TRPC6: variants seen among roughly 807,000 people sequenced by gnomAD.
TRPC6 encodes the protein transient receptor potential cation channel subfamily C member 6.
In TRPC6, 55 loss-of-function variants were observed where a neutral mutation model predicts 90.7. The observed-to-expected ratio is 0.61, with a 90% CI of 0.49 to 0.76. The LOEUF (loss-of-function observed/expected upper bound fraction) is 0.76, where lower values mean the gene tolerates loss of function less well. Among genes scored for constraint, TRPC6 ranks in the 30% least tolerant of loss-of-function variants. The pLI, the probability that TRPC6 is intolerant of heterozygous loss-of-function variation, is 0.00. For missense variants in TRPC6, 989 were observed against 1,122.7 expected, an observed-to-expected ratio of 0.88 and a Z score of 1.70; for synonymous variants, 393 against 393.0, an observed-to-expected ratio of 1.00 and a Z score of 0.00.
chr11:101,487,379 AT>A (rs2136698900), intron 4 of TRPC6, among the ~76,000 whole-genome samples: 1 of 152,242 alleles, frequency 6.6e-6, no homozygotes, highest in Non-Finnish European at 1.5e-5. Context: ...CAATTTAGAA[AT>A]GTATTTGTCT....
chr11:101,516,190 G>T (rs1441503434), intron 1 of TRPC6, among the ~76,000 whole-genome samples: 1 of 151,460 alleles, frequency 6.6e-6, no homozygotes, highest in African/African-American at 2.4e-5. Context: ...CCTAGGATTA[G>T]TTATGAACTG....
At chr11:101,469,970 C>G (rs191149604) in intron 9 of TRPC6, among the ~76,000 whole-genome samples, 1 of 152,242 alleles carries the variant, frequency 6.6e-6, no homozygotes, top group Non-Finnish European at 1.5e-5. Flanking sequence ...AGAGAATGTG[C>G]TACTTACTTG....
At chr11:101,482,387 C>T (rs917459524) in intron 5 of TRPC6, among the ~76,000 whole-genome samples, 26 of 152,074 alleles carry the variant, frequency 1.7e-4, no homozygotes, top group Non-Finnish European at 1.5e-5. Flanking sequence ...GATCATATTC[C>T]TTCTCTTCCA....
Position 101,561,937 on chromosome 11 carries a change from A to T in TRPC6, c.170+21397T>A, listed in dbSNP as rs1041442786. 1.3e-5 allele frequency among the ~76,000 whole-genome samples: 2 copies of T among 151,928 alleles called. 1 individual carries two copies. Among genetic ancestry groups the T allele is most frequent in the African/African-American group, 4.8e-5 (2 of 41,424 alleles). Reference sequence around the variant, plus strand: ...ATACATTAAAATGCTTTTAAAAGTAAATCATTTTAAGAGTTTGGTTCTTTA... The same window carrying T: ...ATACATTAAAATGCTTTTAAAAGTATATCATTTTAAGAGTTTGGTTCTTTA... On this transcript the variant is annotated intron_variant, in intron 1 of 12. Coordinates refer to ENST00000344327, the MANE Select transcript of TRPC6 (RefSeq NM_004621.6).
intron 1 of TRPC6, among the ~76,000 whole-genome samples, chr11:101,506,578 C>G (rs1187341448): frequency 6.6e-6 from 1 of 152,048 alleles, no homozygotes. Flanking sequence ...TATCCAAGTC[C>G]TATTCAAAAT....
At position 101,452,619 on chromosome 11, in the gene TRPC6, G is replaced by A. The variant is rs199619303; in HGVS notation, c.*336C>T. The A allele has an allele frequency of 2.3e-5, 6 of 256,348 alleles. No homozygotes were observed. The highest frequency in any genetic ancestry group is 1.1e-4 in the South Asian group (2 of 18,798). 15.9% of individuals were successfully genotyped at this position (256,348 alleles called of 1,614,324 possible). On this transcript the variant is annotated 3_prime_UTR_variant, in exon 13 of 13. Transcript: ENST00000344327. ...GAGGAAAAACCGCATGGGGAGTAAC[G>A]TGGGTCAGCCCCTGTCCGCTGGGAC... is the stretch of plus-strand genomic sequence containing the variant.
chr11:101,536,782 A>G (rs910791012), intron 1 of TRPC6, among the ~76,000 whole-genome samples: 2 of 152,264 alleles, frequency 1.3e-5, no homozygotes, highest in African/African-American at 2.4e-5. Flanking sequence ...CTGGGATGTC[A>G]TTGATGAGTT....
chr11:101,473,883 T>C (rs1859353188), intron 6 of TRPC6, 110 bp from the exon 7 acceptor site: 1 of 1,486,974 alleles, frequency 6.7e-7, no homozygotes, highest in Non-Finnish European at 9.2e-7. Context: ...GGTTTTCGAA[T>C]GGAAGTCTCC....
Position 101,570,416 on chromosome 11 carries a change from G to A in TRPC6, c.170+12918C>T, listed in dbSNP as rs186770512. Among the ~76,000 whole-genome samples the A allele has an allele frequency of 1.6e-4, 25 of 152,222 alleles. No individual in the cohort carries two copies. The East Asian group carries it at 3.1e-3, about 19-fold the overall frequency. On this transcript the variant is annotated intron_variant, in intron 1 of 12. Transcript: ENST00000344327. ...AACCAAATAGAGTCCAGAACCAGAC[G>A]GATTTACAGCCAAATTCTACCAGAA...
At position 101,526,612 on chromosome 11, in the gene TRPC6, C is replaced by T. The variant is rs1860784366; in HGVS notation, c.171-21814G>A. The stretch of plus-strand genomic sequence containing the variant: ...GCACAGTGGCTCACACCTGTAATCC[C>T]AGCACTTTGGGAGGCCGAGGCAGGC... On this transcript the variant is annotated intron_variant, in intron 1 of 12. Transcript: ENST00000344327. 1.3e-5 allele frequency among the ~76,000 whole-genome samples: 2 copies of T among 151,804 alleles called. 1 individual carries two copies. Among genetic ancestry groups the T allele is most frequent in the South Asian group, 4.1e-4 (2 of 4,822 alleles).
chr11:101,530,990 T>C (rs1227234630), intron 1 of TRPC6, among the ~76,000 whole-genome samples: 3 of 152,000 alleles, frequency 2.0e-5, no homozygotes, highest in Non-Finnish European at 2.9e-5. Flanking sequence ...AAACTTTCAG[T>C]TTGGGAAGCT....
chr11:101,546,050 C>CTTTTTTTTTTTTTTTTTTTT lies in TRPC6; in HGVS notation c.170+37264_170+37283dup, dbSNP rs1166182552. 6.7e-5 allele frequency among the ~76,000 whole-genome samples: 2 copies of CTTTTTTTTTTTTTTTTTTTT among 29,724 alleles called. 1 individual carries two copies. The highest frequency in any genetic ancestry group is 1.2e-4 in the Non-Finnish European group (2 of 16,050). The allele number at this position is 29,724 out of a possible 152,430, so 19.5% of individuals were successfully genotyped here. On this transcript the variant is annotated intron_variant, in intron 1 of 12. Coordinates refer to ENST00000344327, the MANE Select transcript of TRPC6 (RefSeq NM_004621.6). ...TGGATCTAGTATCACATTTATAACTCTTTTTTTTTTTTTTTTTTTTTTTTT... is the reference window on the plus strand; with the variant it reads ...TGGATCTAGTATCACATTTATAACTCTTTTTTTTTTTTTTTTTTTTTTTTTTTTTTTTTTTTTTTTTTTTT...
At chr11:101,543,931 T>A (rs149453790) in intron 1 of TRPC6, among the ~76,000 whole-genome samples, 361 of 152,248 alleles carry the variant, frequency 2.4e-3, no homozygotes, top group African/African-American at 8.2e-3. Context: ...GAAACTGTCA[T>A]CAAAGTGAAC....
intron 1 of TRPC6, among the ~76,000 whole-genome samples, chr11:101,547,313 A>G (rs1423217490): frequency 6.6e-6 from 1 of 152,214 alleles, no homozygotes; most frequent in African/African-American, 2.4e-5. Flanking sequence ...ATCTAAGTCT[A>G]TATGGGCCCT....
intron 7 of TRPC6, 50 bp downstream of exon 7, chr11:101,473,459 T>G: frequency 6.3e-7 from 1 of 1,598,776 alleles, no homozygotes. Context: ...GTTAAACTAA[T>G]ATTTATTTAA....
At chr11:101,562,964 A>G (rs1399069302) in intron 1 of TRPC6, among the ~76,000 whole-genome samples, 1 of 152,226 alleles carries the variant, frequency 6.6e-6, no homozygotes, top group African/African-American at 2.4e-5. Context: ...CCTGGCAGAT[A>G]GTATGTTCTT....
chr11:101,481,899 T>C lies in TRPC6; in HGVS notation c.1510+1050A>G, dbSNP rs565126025. Among the ~76,000 whole-genome samples the C allele has an allele frequency of 3.9e-5, 6 of 152,362 alleles. No individual in the cohort carries two copies. The South Asian group carries it at 1.2e-3, about 32-fold the overall frequency. ...TCCATAAATGCACCTTGGCTCCTTC[T>C]CTGCCTAACTCATCATATTTCGAGT... On this transcript the variant is annotated intron_variant, in intron 5 of 12. Transcript: ENST00000344327.
At chr11:101,463,356 A>G (rs890875526) in intron 10 of TRPC6, among the ~76,000 whole-genome samples, 3 of 151,916 alleles carry the variant, frequency 2.0e-5, no homozygotes, top group Non-Finnish European at 4.4e-5. Context: ...CTCTTTTTCT[A>G]TTGTTTGGAA....
intron 2 of TRPC6, among the ~76,000 whole-genome samples, chr11:101,499,016 C>G (rs10791486): frequency 0.47 from 71,243 of 151,902 alleles, 17,198 homozygotes; most frequent in African/African-American, 0.58. Flanking sequence ...TTCAGATGGA[C>G]AGTGCAGGGT....
Sources: gnomAD v4.1 joint callset for allele counts (sites outside exome capture counted in the v4.1 genomes callset) on GRCh38, gnomAD v4.1.1 for gene constraint, MANE v1.5 for transcripts, NCBI Gene and HGNC (gene_info 2026-07-23, HGNC 2026-07-21) for gene names.